CREB3L2: variants seen among roughly 807,000 people sequenced by gnomAD.
CREB3L2 encodes cyclic AMP-responsive element-binding protein 3-like protein 2.
A neutral mutation model predicts 57.2 loss-of-function variants in CREB3L2; 23 were observed. The ratio of observed to expected loss-of-function variants is 0.40; its 90% confidence interval spans 0.29 to 0.57. The LOEUF is 0.57. CREB3L2 is among the 20% of genes least tolerant of loss of function. CREB3L2 has a pLI of 0.42. For synonymous variants in CREB3L2, 268 were observed against 265.1 expected, an observed-to-expected ratio of 1.01 and a Z score of -0.11; for missense variants, 628 against 634.7, an observed-to-expected ratio of 0.99 and a Z score of 0.11.
chr7:137,994,679 C>T (rs1312888645), intron 1 of CREB3L2, among the ~76,000 whole-genome samples: 1 of 152,152 alleles, frequency 6.6e-6, no homozygotes, highest in Non-Finnish European at 1.5e-5. Flanking sequence ...GACGTGATAG[C>T]TCATGCCTGT....
Position 137,885,113 on chromosome 7 carries a change from C to T in CREB3L2, c.1152G>A (p.Val384=). The change falls in exon 10 of 12, where the codon GTG becomes GTA. Residue 384 remains valine, a synonymous_variant. Transcript: ENST00000330387. ...TQTGTCLMVV[V]LCFAVAFGSF... ...TGCCGAATGCAACGGCAAAGCACAG[C>T]ACCACAACCTGTGGGAGAGAAAGAG... is the stretch of plus-strand genomic sequence containing the variant. 6.2e-7 allele frequency: 1 copy of T among 1,614,102 alleles called. No homozygotes were observed. Among genetic ancestry groups the T allele is most frequent in the Non-Finnish European group, 8.5e-7 (1 of 1,180,000 alleles).
chr7:137,945,413 G>A (rs2117263336), intron 1 of CREB3L2, among the ~76,000 whole-genome samples: 2 of 152,292 alleles, frequency 1.3e-5, no homozygotes, highest in East Asian at 3.9e-4. Context: ...TAACTGAATT[G>A]CGTGAGACCT....
At chr7:137,998,569 G>A in intron 1 of CREB3L2, among the ~76,000 whole-genome samples, 1 of 152,206 alleles carries the variant, frequency 6.6e-6, no homozygotes, top group East Asian at 1.9e-4. Flanking sequence ...TTTGAATCCT[G>A]GTTCTATCAC....
chr7:137,959,040 T>G (rs1023232075), intron 1 of CREB3L2, among the ~76,000 whole-genome samples: 3 of 152,246 alleles, frequency 2.0e-5, no homozygotes, highest in African/African-American at 7.2e-5. Context: ...GTCTCATGTC[T>G]GAGAAGGAAC....
At chr7:137,916,094 C>A in intron 2 of CREB3L2, 82 bp from the exon 3 acceptor site, 1 of 1,167,438 alleles carries the variant, frequency 8.6e-7, no homozygotes, top group South Asian at 1.7e-5. Context: ...TAGTCTTTCT[C>A]CCCAAAAAAG....
rs541018877 is a variant in CREB3L2 at position 137,884,506 on chromosome 7, C to T, written c.1270+489G>A. On this transcript the variant is annotated intron_variant, in intron 10 of 11. Coordinates refer to ENST00000330387, the MANE Select transcript of CREB3L2 (RefSeq NM_194071.4). Reference sequence around the variant, plus strand: ...CTCGTGATCTGCCCGCCTCGGCCTCCCAAAGTGCTGGGGTTACAGGCGTGA... The same window carrying T: ...CTCGTGATCTGCCCGCCTCGGCCTCTCAAAGTGCTGGGGTTACAGGCGTGA... 5 of 191,792 alleles carry T rather than the reference C, an allele frequency of 2.6e-5. No homozygotes were observed. The East Asian group carries it at 6.8e-4, about 26-fold the overall frequency. The allele number at this position is 191,792 out of a possible 1,614,324, so 11.9% of individuals were successfully genotyped here.
At chr7:137,923,611 T>G (rs1018453868) in intron 2 of CREB3L2, among the ~76,000 whole-genome samples, 2 of 152,248 alleles carry the variant, frequency 1.3e-5, no homozygotes, top group African/African-American at 4.8e-5. Flanking sequence ...TTTCTGTGAT[T>G]TTCAAGTCTC....
At chr7:137,921,809 C>T (rs188587742) in intron 2 of CREB3L2, among the ~76,000 whole-genome samples, 23 of 152,316 alleles carry the variant, frequency 1.5e-4, no homozygotes, top group Admixed American at 5.2e-4. Flanking sequence ...CACAGGTAGA[C>T]ACTCTATGTC....
At chr7:137,896,876 CT>C (rs1464246044) in intron 8 of CREB3L2, among the ~76,000 whole-genome samples, 2 of 152,192 alleles carry the variant, frequency 1.3e-5, no homozygotes, top group Non-Finnish European at 2.9e-5. Context: ...AAGACAAATA[CT>C]GTATGGTATC....
At chr7:137,884,606 C>A in intron 10 of CREB3L2, 2 of 496,436 alleles carry the variant, frequency 4.0e-6, no homozygotes, top group Non-Finnish European at 3.6e-6. Context: ...CATTGCATTA[C>A]ATTACTCATA....
intron 1 of CREB3L2, among the ~76,000 whole-genome samples, chr7:137,954,565 G>A (rs943394792): frequency 6.6e-6 from 1 of 152,172 alleles, no homozygotes; most frequent in Non-Finnish European, 1.5e-5. Context: ...TATAAAGGCA[G>A]CTTATGCTTG....
intron 1 of CREB3L2, chr7:137,958,108 G>A (rs994443462): frequency 4.3e-6 from 1 of 234,476 alleles, no homozygotes; most frequent in Non-Finnish European, 8.5e-6. Flanking sequence ...CCTGACTCAT[G>A]CAATTCCCTG....
At position 137,991,366 on chromosome 7, in the gene CREB3L2, G is replaced by A. The variant is rs563444570; in HGVS notation, c.102+10238C>T. On this transcript the variant is annotated intron_variant, in intron 1 of 11. Coordinates refer to ENST00000330387, the MANE Select transcript of CREB3L2 (RefSeq NM_194071.4). The stretch of plus-strand genomic sequence containing the variant: ...TTTTTAGTAGAGACGGGATTTCACC[G>A]TGTTAGCCAGGATGGTCTCGATCTC... Among the ~76,000 whole-genome samples the A allele has an allele frequency of 1.0e-3, 156 of 151,664 alleles. 1 individual carries two copies. The highest frequency in any genetic ancestry group is 3.3e-3 in the African/African-American group (136 of 41,386).
At chr7:137,904,886 T>G (rs1293773093) in intron 6 of CREB3L2, among the ~76,000 whole-genome samples, 1 of 150,650 alleles carries the variant, frequency 6.6e-6, no homozygotes, top group East Asian at 1.9e-4. Context: ...CAATGGACAC[T>G]GAGTGAAGAG....
chr7:137,973,406 C>T (rs1563270478), intron 1 of CREB3L2, among the ~76,000 whole-genome samples: 1 of 151,896 alleles, frequency 6.6e-6, no homozygotes, highest in Non-Finnish European at 1.5e-5. Context: ...TCCCAGACAG[C>T]GGCCCACCGG....
rs371850535 is a variant in CREB3L2, at chr7:137,908,443, A to T, written c.584-7T>A. ...TGCAGGTGGTCCACTGGGGCTGCAA[A>T]AAAGGAAGCACATCTCATCCATCCC... is the stretch of plus-strand genomic sequence containing the variant. On this transcript the variant is annotated splice_polypyrimidine_tract_variant and splice_region_variant and intron_variant, in intron 4 of 11. Coordinates refer to ENST00000330387, the MANE Select transcript of CREB3L2 (RefSeq NM_194071.4). The T allele has an allele frequency of 2.7e-4, 337 of 1,260,430 alleles. No homozygotes were observed. The highest frequency in any genetic ancestry group is 3.3e-4 in the Non-Finnish European group (327 of 995,662). The allele number at this position is 1,260,430 out of a possible 1,614,324, so 78.1% of individuals were successfully genotyped here. A position where few individuals can be genotyped will look rare whatever the true frequency, so the allele number is the denominator to read the frequency against.
intron 1 of CREB3L2, among the ~76,000 whole-genome samples, chr7:137,988,129 C>T (rs535516431): frequency 1.2e-4 from 19 of 152,338 alleles, no homozygotes; most frequent in African/African-American, 3.6e-4. Flanking sequence ...CTCACATGCC[C>T]GACCTCAGGC....
intron 2 of CREB3L2, among the ~76,000 whole-genome samples, chr7:137,918,947 G>A (rs143943708): frequency 6.6e-6 from 1 of 152,146 alleles, no homozygotes; most frequent in East Asian, 1.9e-4. Flanking sequence ...GAAACCACAG[G>A]GCAAGTGATG....
intron 1 of CREB3L2, among the ~76,000 whole-genome samples, chr7:137,959,776 T>C (rs1801286383): frequency 6.6e-6 from 1 of 152,232 alleles, no homozygotes; most frequent in Non-Finnish European, 1.5e-5. Flanking sequence ...TTATCCGAAG[T>C]AAACTGCATC....
Sources: allele counts gnomAD v4.1 joint callset (sites outside exome capture counted in the v4.1 genomes callset), GRCh38; gene constraint gnomAD v4.1.1; transcripts MANE v1.5; gene names NCBI Gene and HGNC (gene_info 2026-07-23, HGNC 2026-07-21).